MAPK10: variants seen among roughly 807,000 people sequenced by gnomAD.
MAPK10 encodes JNK3 alpha protein kinase.
Under a neutral mutation model 59.3 loss-of-function variants are expected in MAPK10, and 25 were observed. That is an observed-to-expected ratio of 0.42 (90% confidence interval 0.31 to 0.59). The LOEUF is 0.59. MAPK10 is among the 20% of genes least tolerant of loss of function. The probability of loss-of-function intolerance (pLI) is 0.15; values close to 1 mark genes in which losing one functional copy is unlikely to be tolerated. For synonymous variants in MAPK10, 190 were observed against 200.5 expected (o/e 0.95, Z 0.44); for missense variants, 351 against 568.9 (o/e 0.62, Z 3.90).
intron 11 of MAPK10, among the ~76,000 whole-genome samples, chr4:86,057,066 C>T (rs1354170972): frequency 6.7e-6 from 1 of 148,722 alleles, no homozygotes; most frequent in South Asian, 2.1e-4. Flanking sequence ...CGGGTTCAAG[C>T]GATTCTCCTG....
intron 1 of MAPK10, among the ~76,000 whole-genome samples, chr4:86,557,540 A>G (rs1760361769): frequency 1.3e-5 from 2 of 152,146 alleles, no homozygotes; most frequent in Admixed American, 1.3e-4. Flanking sequence ...TAATATATCA[A>G]GAATCTTACT....
chr4:86,256,996 C>A (rs563680133), intron 2 of MAPK10, among the ~76,000 whole-genome samples: 1 of 151,888 alleles, frequency 6.6e-6, no homozygotes, highest in Non-Finnish European at 1.5e-5. Context: ...ATGATCCGCC[C>A]GCCTCGGCCT....
intron 9 of MAPK10, among the ~76,000 whole-genome samples, chr4:86,082,909 G>C (rs1045662448): frequency 6.6e-6 from 1 of 152,050 alleles, no homozygotes; most frequent in Admixed American, 6.6e-5. Flanking sequence ...AGTGCTAAGG[G>C]GTGCAGTCCA....
intron 11 of MAPK10, among the ~76,000 whole-genome samples, chr4:86,036,357 C>T (rs1041237626): frequency 4.0e-5 from 6 of 151,772 alleles, no homozygotes; most frequent in African/African-American, 1.5e-4. Flanking sequence ...AGGAAAGAAA[C>T]CATAGAACAA....
intron 2 of MAPK10, among the ~76,000 whole-genome samples, chr4:86,321,590 T>TG (rs1425055018): frequency 1.4e-5 from 1 of 72,250 alleles, no homozygotes; most frequent in East Asian, 5.1e-4. Context: ...TGTTGTGGGG[T>TG]GGGGGGAGGG....
intron 1 of MAPK10, among the ~76,000 whole-genome samples, chr4:86,501,874 G>C (rs1274669335): frequency 6.6e-6 from 1 of 152,010 alleles, no homozygotes; most frequent in East Asian, 1.9e-4. Flanking sequence ...TTGTGGTTTA[G>C]TAGGTTACAT....
intron 1 of MAPK10, among the ~76,000 whole-genome samples, chr4:86,379,968 G>A (rs532114191): frequency 6.6e-6 from 1 of 152,250 alleles, no homozygotes; most frequent in African/African-American, 2.4e-5. Context: ...GGGCGCAGTG[G>A]CTCATGCCTG....
At chr4:86,515,906 TG>T (rs1328081915) in intron 1 of MAPK10, among the ~76,000 whole-genome samples, 1 of 151,976 alleles carries the variant, frequency 6.6e-6, no homozygotes, top group Non-Finnish European at 1.5e-5. Flanking sequence ...GTTTTGTTTT[TG>T]TTTTTGTTTT....
intron 1 of MAPK10, among the ~76,000 whole-genome samples, chr4:86,416,838 G>T (rs1745916849): frequency 6.6e-6 from 1 of 152,114 alleles, no homozygotes; most frequent in Admixed American, 6.5e-5. Context: ...GGAACCAAAA[G>T]GAAGATACAT....
intron 1 of MAPK10, among the ~76,000 whole-genome samples, chr4:86,548,163 C>G (rs1428124938): frequency 6.6e-6 from 1 of 152,142 alleles, no homozygotes; most frequent in Non-Finnish European, 1.5e-5. Flanking sequence ...TCTGCAGCTT[C>G]ACTCCTGAAG....
chr4:86,173,764 G>A (rs560881605), intron 3 of MAPK10, among the ~76,000 whole-genome samples: 37 of 152,030 alleles, frequency 2.4e-4, no homozygotes, highest in African/African-American at 8.7e-4. Flanking sequence ...AATTTACAAG[G>A]AACTTAAACA....
At chr4:86,045,012 A>T (rs2042239059) in intron 11 of MAPK10, among the ~76,000 whole-genome samples, 1 of 152,300 alleles carries the variant, frequency 6.6e-6, no homozygotes, top group Non-Finnish European at 1.5e-5. Context: ...GAGACATCAT[A>T]GCATTAGGTG....
At chr4:86,511,343 G>A (rs1421204126) in intron 1 of MAPK10, among the ~76,000 whole-genome samples, 3 of 151,966 alleles carry the variant, frequency 2.0e-5, no homozygotes, top group Non-Finnish European at 4.4e-5. Flanking sequence ...GATTGCATGA[G>A]CTCAGGAGTT....
chr4:86,370,518 A>G (rs1738595922), intron 1 of MAPK10, among the ~76,000 whole-genome samples: 1 of 152,186 alleles, frequency 6.6e-6, no homozygotes, highest in African/African-American at 2.4e-5. Context: ...AGATTAGAAA[A>G]AGAAATCTGA....
chr4:86,490,505 T>C (rs565065530), intron 1 of MAPK10, among the ~76,000 whole-genome samples: 6 of 152,230 alleles, frequency 3.9e-5, no homozygotes, highest in Non-Finnish European at 8.8e-5. Flanking sequence ...CCATGCAATA[T>C]ACTCTAATTC....
rs77029236 is a variant in MAPK10, at chr4:86,285,957, A to G, written c.-7+68573T>C. 3.2e-3 allele frequency among the ~76,000 whole-genome samples: 483 copies of G among 152,290 alleles called. 4 individuals carry two copies. The highest frequency in any genetic ancestry group is 0.011 in the African/African-American group (461 of 41,558). ...CGCCTTCTTCTGCATTTGTGTTCCA[A>G]TCAGGCCCTCAACAGATTGGATGAC... On this transcript the variant is annotated intron_variant, in intron 2 of 13. Transcript: ENST00000641462.
At chr4:86,198,455 T>A (rs2081903887) in intron 2 of MAPK10, among the ~76,000 whole-genome samples, 1 of 152,120 alleles carries the variant, frequency 6.6e-6, no homozygotes, top group Non-Finnish European at 1.5e-5. Flanking sequence ...GACCCTCGTA[T>A]CTGACCCAGG....
At chr4:86,458,354 T>C (rs1751422481) in intron 1 of MAPK10, among the ~76,000 whole-genome samples, 1 of 151,270 alleles carries the variant, frequency 6.6e-6, no homozygotes, top group African/African-American at 2.4e-5. Flanking sequence ...TCCAGCTACT[T>C]GGGAGGCCGA....
intron 1 of MAPK10, among the ~76,000 whole-genome samples, chr4:86,385,226 C>T (rs149028957): frequency 2.3e-4 from 35 of 151,974 alleles, no homozygotes; most frequent in African/African-American, 8.2e-4. Flanking sequence ...TATTGACTAG[C>T]TACTGGGGAA....
Sources: gnomAD v4.1 joint callset for allele counts (sites outside exome capture counted in the v4.1 genomes callset) on GRCh38, gnomAD v4.1.1 for gene constraint, MANE v1.5 for transcripts, NCBI Gene and HGNC (gene_info 2026-07-23, HGNC 2026-07-21) for gene names.